Variants in CUL5 observed in about 807,000 individuals in gnomAD.
CUL5 encodes cullin 5, also known as cullin-5.
A neutral mutation model predicts 108.8 loss-of-function variants in CUL5; 26 were observed. The observed-to-expected ratio is 0.24, with a 90% CI of 0.18 to 0.33. The LOEUF (loss-of-function observed/expected upper bound fraction) is 0.33. Ranked by LOEUF, CUL5 falls within the 10% of genes least tolerant of loss-of-function variation. The pLI is 1.00. For synonymous variants in CUL5, 334 were observed against 298.0 expected, an observed-to-expected ratio of 1.12 and a Z score of -1.25; for missense variants, 524 against 909.2, an observed-to-expected ratio of 0.58 and a Z score of 5.45.
chr11:108,024,019 T>C (rs1016625137), intron 1 of CUL5, among the ~76,000 whole-genome samples: 4 of 152,224 alleles, frequency 2.6e-5, no homozygotes, highest in Non-Finnish European at 5.9e-5. Context: ...TAAATTTTTA[T>C]AATCATAGAT....
At chr11:108,040,501 A>G (rs1469992889) in intron 2 of CUL5, among the ~76,000 whole-genome samples, 2 of 151,700 alleles carry the variant, frequency 1.3e-5, no homozygotes, top group Non-Finnish European at 1.5e-5. Flanking sequence ...AATCCCAGCT[A>G]CTTGGCCAGC....
chr11:108,057,785 A>G (rs1342491932), intron 7 of CUL5, among the ~76,000 whole-genome samples: 4 of 152,212 alleles, frequency 2.6e-5, no homozygotes, highest in Non-Finnish European at 4.4e-5. Context: ...TTAAATTGAT[A>G]GTATCGTACC....
chr11:108,009,495 A>G (rs1591265406), intron 1 of CUL5, 123 bp downstream of exon 1: 1 of 1,056,180 alleles, frequency 9.5e-7, no homozygotes, highest in Non-Finnish European at 1.4e-6. Flanking sequence ...ACTGGCAGGG[A>G]AGCCGCGGTG....
chr11:108,050,700 C>T (rs1863194860), intron 4 of CUL5, among the ~76,000 whole-genome samples: 1 of 152,148 alleles, frequency 6.6e-6, no homozygotes, highest in Admixed American at 6.6e-5. Flanking sequence ...TTACTTTTCT[C>T]CCTGTCTCAA....
chr11:108,046,444 A>G (rs1863068168), intron 3 of CUL5, 75 bp downstream of exon 3: 1 of 827,518 alleles, frequency 1.2e-6, no homozygotes, highest in Non-Finnish European at 1.9e-6. Flanking sequence ...TTTTGAAAGT[A>G]GAACTTCTTG....
At chr11:108,026,988 C>CA (rs34941469) in intron 1 of CUL5, among the ~76,000 whole-genome samples, 1,661 of 97,080 alleles carry the variant, frequency 0.017, 28 homozygotes, top group African/African-American at 0.044. Context: ...GACTCCGTCT[C>CA]AAAAAAAAAA....
chr11:108,015,479 A>G (rs377421711), intron 1 of CUL5, among the ~76,000 whole-genome samples: 21 of 152,284 alleles, frequency 1.4e-4, no homozygotes, highest in African/African-American at 3.4e-4. Flanking sequence ...GAACTTGTCA[A>G]TTTTTCATTG....
chr11:108,103,825 ATACT>A (rs1368461980), intron 18 of CUL5, among the ~76,000 whole-genome samples: 1 of 152,152 alleles, frequency 6.6e-6, no homozygotes, highest in Non-Finnish European at 1.5e-5. Flanking sequence ...TTTTAAATAC[ATACT>A]TTAAGTTCTG....
intron 7 of CUL5, among the ~76,000 whole-genome samples, chr11:108,057,404 G>A (rs1863410667): frequency 5.9e-5 from 9 of 152,158 alleles, no homozygotes; most frequent in Admixed American, 5.9e-4. Context: ...TTTACTAAAG[G>A]AGAAGCCTGA....
At chr11:108,041,387 C>T (rs1048241274) in intron 2 of CUL5, among the ~76,000 whole-genome samples, 1 of 151,258 alleles carries the variant, frequency 6.6e-6, no homozygotes, top group Non-Finnish European at 1.5e-5. Flanking sequence ...AAGCGATTCT[C>T]CTGCCTCAGC....
intron 13 of CUL5, among the ~76,000 whole-genome samples, chr11:108,093,198 G>A (rs182247309): frequency 1.3e-5 from 2 of 152,308 alleles, no homozygotes; most frequent in East Asian, 3.9e-4. Context: ...AATAGCTTTT[G>A]CCTTCTTGTG....
chr11:108,063,412 A>C (rs1333739645), intron 7 of CUL5, among the ~76,000 whole-genome samples: 1 of 152,060 alleles, frequency 6.6e-6, no homozygotes, highest in Non-Finnish European at 1.5e-5. Flanking sequence ...ATAGTACTCC[A>C]TTGTGTTTAT....
intron 11 of CUL5, among the ~76,000 whole-genome samples, chr11:108,086,478 G>A (rs1046974640): frequency 6.6e-6 from 1 of 152,146 alleles, no homozygotes; most frequent in African/African-American, 2.4e-5. Flanking sequence ...ATGAAGGAGG[G>A]AGGTAGATCA....
At chr11:108,011,862 A>G (rs1172720259) in intron 1 of CUL5, among the ~76,000 whole-genome samples, 1 of 152,200 alleles carries the variant, frequency 6.6e-6, no homozygotes, top group Non-Finnish European at 1.5e-5. Context: ...TCTTGACCTC[A>G]TGATCCACCC....
At chr11:108,058,245 C>CTTTTTT (rs771714382) in intron 7 of CUL5, among the ~76,000 whole-genome samples, 27 of 100,120 alleles carry the variant, frequency 2.7e-4, no homozygotes, top group African/African-American at 7.2e-4. Flanking sequence ...TGAAGAGTGC[C>CTTTTTT]TTTTTTTTTT....
In CUL5 at chr11:108,104,473, T is replaced by G; in HGVS notation, c.*89T>G. The G allele has an allele frequency of 1.3e-6, 1 of 775,404 alleles. No homozygotes were observed. The highest frequency in any genetic ancestry group is 2.0e-6 in the Non-Finnish European group (1 of 493,608). The allele number at this position is 775,404 out of a possible 1,614,324, so 48.0% of individuals were successfully genotyped here. ...AGTTTGTGCTGGAGAAAGGTTTATT[T>G]GGACTTTGATTACATAAATATTAAA... On this transcript the variant is annotated 3_prime_UTR_variant, in exon 19 of 19. Coordinates refer to ENST00000393094, the MANE Select transcript of CUL5 (RefSeq NM_003478.6).
chr11:108,094,695 A>G, intron 14 of CUL5, 117 bp from the exon 15 acceptor site: 2 of 898,936 alleles, frequency 2.2e-6, no homozygotes, highest in Non-Finnish European at 3.3e-6. Context: ...AAACAAAAGG[A>G]CACTTTTAAC....
intron 7 of CUL5, among the ~76,000 whole-genome samples, chr11:108,069,367 A>G (rs980410415): frequency 6.6e-6 from 1 of 152,122 alleles, no homozygotes; most frequent in Admixed American, 6.6e-5. Context: ...GTTGCAGCCT[A>G]TCTTTCTAGC....
chr11:108,026,223 G>C (rs1040738503), intron 1 of CUL5, among the ~76,000 whole-genome samples: 1 of 152,064 alleles, frequency 6.6e-6, no homozygotes, highest in African/African-American at 2.4e-5. Flanking sequence ...TCACTTTTCA[G>C]TGCCAGTACC....
Sources: gnomAD v4.1 joint callset for allele counts (sites outside exome capture counted in the v4.1 genomes callset) on GRCh38, gnomAD v4.1.1 for gene constraint, MANE v1.5 for transcripts, NCBI Gene and HGNC (gene_info 2026-07-23, HGNC 2026-07-21) for gene names.